Variants in KCNIP4 observed in about 807,000 individuals in gnomAD.
KCNIP4 encodes potassium voltage-gated channel interacting protein 4.
In KCNIP4, 12 loss-of-function variants were observed where a neutral mutation model predicts 34.0. That is an observed-to-expected ratio of 0.35 (90% confidence interval 0.23 to 0.57). The LOEUF (loss-of-function observed/expected upper bound fraction) is 0.57, where lower values mean the gene tolerates loss of function less well. Among genes scored for constraint, KCNIP4 ranks in the 20% least tolerant of loss-of-function variants. The pLI is 0.83. For synonymous variants in KCNIP4, 124 were observed against 102.2 expected (o/e 1.21, Z -1.29); for missense variants, 238 against 311.7 (o/e 0.76, Z 1.78).
At chr4:20,848,033 T>C (rs1275157406) in intron 3 of KCNIP4, among the ~76,000 whole-genome samples, 1 of 152,120 alleles carries the variant, frequency 6.6e-6, no homozygotes, top group Admixed American at 6.6e-5. Context: ...CTGCTTAGTG[T>C]ATTTCGGCTA....
intron 1 of KCNIP4, among the ~76,000 whole-genome samples, chr4:20,920,758 G>C (rs533938561): frequency 6.6e-6 from 1 of 152,150 alleles, no homozygotes; most frequent in Non-Finnish European, 1.5e-5. Context: ...TTGGGAGGCC[G>C]AGGCGGGTGG....
chr4:21,660,259 T>C (rs907017203), intron 1 of KCNIP4, among the ~76,000 whole-genome samples: 6 of 152,282 alleles, frequency 3.9e-5, no homozygotes, highest in African/African-American at 7.2e-5. Flanking sequence ...AAGGCAGAGA[T>C]GGGAGCATCA....
intron 1 of KCNIP4, among the ~76,000 whole-genome samples, chr4:21,318,871 A>T (rs1306021794): frequency 6.6e-6 from 1 of 152,032 alleles, no homozygotes; most frequent in East Asian, 1.9e-4. Flanking sequence ...TTCAATGAGA[A>T]ATTATTTGAA....
Position 21,075,664 on chromosome 4 carries a change from G to A in KCNIP4, c.62-192955C>T, listed in dbSNP as rs531199862. On this transcript the variant is annotated intron_variant, in intron 1 of 8. Coordinates refer to ENST00000382152, the MANE Select transcript of KCNIP4 (RefSeq NM_025221.6). ...ATTTAAGGTTAATATTGTTATGTGT[G>A]AATTTGATCCTGTCATTATGATGTT... Among the ~76,000 whole-genome samples the A allele has an allele frequency of 4.6e-5, 7 of 152,268 alleles. No homozygotes were observed. In the South Asian group the frequency reaches 1.4e-3, roughly 32 times the overall value.
intron 1 of KCNIP4, among the ~76,000 whole-genome samples, chr4:21,155,194 C>G (rs1753055719): frequency 6.6e-6 from 1 of 152,084 alleles, no homozygotes; most frequent in African/African-American, 2.4e-5. Flanking sequence ...ATTTTGCGTA[C>G]CTCCAGACTT....
intron 1 of KCNIP4, among the ~76,000 whole-genome samples, chr4:21,178,413 C>A (rs1754590704): frequency 6.6e-6 from 1 of 152,130 alleles, no homozygotes; most frequent in African/African-American, 2.4e-5. Flanking sequence ...CCAGGTGTCA[C>A]TTAGTGTCAT....
At chr4:21,110,696 A>C (rs956659824) in intron 1 of KCNIP4, among the ~76,000 whole-genome samples, 1 of 152,170 alleles carries the variant, frequency 6.6e-6, no homozygotes, top group African/African-American at 2.4e-5. Flanking sequence ...TTTGAGAGGC[A>C]ATTAGGTCAT....
chr4:20,762,119 T>TC (rs568945519), intron 3 of KCNIP4, among the ~76,000 whole-genome samples: 74 of 152,288 alleles, frequency 4.9e-4, no homozygotes, highest in African/African-American at 1.7e-3. Context: ...GGCTAGGAAG[T>TC]CTAAGACCAT....
At chr4:21,857,848 C>A (rs928291363) in intron 1 of KCNIP4, among the ~76,000 whole-genome samples, 2 of 152,206 alleles carry the variant, frequency 1.3e-5, no homozygotes, top group African/African-American at 4.8e-5. Context: ...AGGGCAGTGG[C>A]CCTTCAGGGA....
chr4:21,158,365 A>G (rs1753311219), intron 1 of KCNIP4, among the ~76,000 whole-genome samples: 1 of 152,270 alleles, frequency 6.6e-6, no homozygotes, highest in Middle Eastern at 3.4e-3. Flanking sequence ...AAAAATACAG[A>G]GTAATATCTC....
At chr4:21,066,315 A>T (rs1001998922) in intron 1 of KCNIP4, among the ~76,000 whole-genome samples, 1 of 152,170 alleles carries the variant, frequency 6.6e-6, no homozygotes, top group Admixed American at 6.6e-5. Flanking sequence ...ACATGGTCAA[A>T]TAGAAGCACC....
At chr4:21,875,932 A>C (rs10031856) in intron 1 of KCNIP4, among the ~76,000 whole-genome samples, 14,782 of 152,212 alleles carry the variant, frequency 0.097, 2,399 homozygotes, top group African/African-American at 0.34. Context: ...GGACAAGTAA[A>C]ATACATTCAA....
chr4:21,022,991 T>A (rs1193148961), intron 1 of KCNIP4, among the ~76,000 whole-genome samples: 1 of 152,004 alleles, frequency 6.6e-6, no homozygotes, highest in Non-Finnish European at 1.5e-5. Context: ...CCTGGCTAAT[T>A]TTTGTATTTT....
chr4:21,577,144 A>T (rs1476568071), intron 1 of KCNIP4, among the ~76,000 whole-genome samples: 1 of 152,202 alleles, frequency 6.6e-6, no homozygotes, highest in African/African-American at 2.4e-5. Context: ...AGAGAAATTT[A>T]CTTGGGCTTG....
intron 1 of KCNIP4, among the ~76,000 whole-genome samples, chr4:20,995,599 A>T (rs908213409): frequency 2.0e-5 from 3 of 152,136 alleles, no homozygotes; most frequent in Non-Finnish European, 4.4e-5. Flanking sequence ...GTTTCAAAGA[A>T]CCACTCTCAG....
intron 1 of KCNIP4, among the ~76,000 whole-genome samples, chr4:21,439,760 C>CAA (rs3082950): frequency 0.59 from 88,866 of 151,786 alleles, 26,279 homozygotes; most frequent in African/African-American, 0.65. Context: ...AGATATCAAA[C>CAA]TGGCTCTAAT....
intron 1 of KCNIP4, among the ~76,000 whole-genome samples, chr4:21,337,816 G>A (rs1716326936): frequency 6.6e-6 from 1 of 152,082 alleles, no homozygotes; most frequent in South Asian, 2.1e-4. Context: ...TTGTAAAGTG[G>A]AATATTAATT....
chr4:21,420,490 A>T (rs1181393041), intron 1 of KCNIP4, among the ~76,000 whole-genome samples: 1 of 152,178 alleles, frequency 6.6e-6, no homozygotes, highest in Non-Finnish European at 1.5e-5. Context: ...AAAGCATTCA[A>T]TATCTTCCTA....
At chr4:21,454,466 G>A (rs919029943) in intron 1 of KCNIP4, among the ~76,000 whole-genome samples, 1 of 152,116 alleles carries the variant, frequency 6.6e-6, no homozygotes, top group African/African-American at 2.4e-5. Context: ...TGGAGACACA[G>A]TCTGATCGAA....
Sources: allele counts gnomAD v4.1 joint callset (sites outside exome capture counted in the v4.1 genomes callset), GRCh38; gene constraint gnomAD v4.1.1; transcripts MANE v1.5; gene names NCBI Gene and HGNC (gene_info 2026-07-23, HGNC 2026-07-21).